DNAJC24: variants seen among roughly 807,000 people sequenced by gnomAD.
DNAJC24 encodes the protein dnaJ homolog subfamily C member 24.
A neutral mutation model predicts 18.0 loss-of-function variants in DNAJC24; 17 were observed. That is an observed-to-expected ratio of 0.94 (90% CI 0.65 to 1.42). DNAJC24 has a LOEUF of 1.42. Ranked by LOEUF, DNAJC24 falls within the 40% of genes most tolerant of loss-of-function variation. The probability of loss-of-function intolerance (pLI) is 0.00; values close to 1 mark genes in which losing one functional copy is unlikely to be tolerated. For missense variants in DNAJC24, 158 were observed against 175.6 expected, an observed-to-expected ratio of 0.90 and a Z score of 0.57; for synonymous variants, 55 against 57.7, an observed-to-expected ratio of 0.95 and a Z score of 0.21.
intron 2 of DNAJC24, among the ~76,000 whole-genome samples, chr11:31,399,739 C>G (rs4922862): frequency 1.0e-5 from 1 of 97,056 alleles, no homozygotes; most frequent in Admixed American, 1.2e-4. Flanking sequence ...ACTGTTTTTT[C>G]TTTTTTTTTT....
At chr11:31,384,657 G>A (rs1952410443) in intron 2 of DNAJC24, 2 of 152,244 alleles carry the variant, frequency 1.3e-5, no homozygotes, top group Non-Finnish European at 1.5e-5. Flanking sequence ...GAGCCACACA[G>A]CATGTGAAGT....
chr11:31,429,617 G>C (rs924118062), intron 4 of DNAJC24: 1 of 277,660 alleles, frequency 3.6e-6, no homozygotes, highest in Non-Finnish European at 7.9e-6. Flanking sequence ...GTATTGCACC[G>C]TATTGCCTCC....
At chr11:31,390,786 A>G (rs925598963) in intron 2 of DNAJC24, among the ~76,000 whole-genome samples, 1 of 152,130 alleles carries the variant, frequency 6.6e-6, no homozygotes, top group Non-Finnish European at 1.5e-5. Context: ...ATTCTACCAA[A>G]CATTTAAAGA....
chr11:31,432,578 C>T lies in DNAJC24; in HGVS notation c.*2177C>T. The T allele has an allele frequency of 6.3e-7, 1 of 1,597,068 alleles. No individual in the cohort carries two copies. ...CACTCAGAGGCCAAATCTGTAAAAT[C>T]AAAATGAGGTTGAAGACAATTAGTG... is the stretch of plus-strand genomic sequence containing the variant. On this transcript the variant is annotated 3_prime_UTR_variant, in exon 5 of 5. Transcript: ENST00000465995.
intron 2 of DNAJC24, among the ~76,000 whole-genome samples, chr11:31,397,939 A>G (rs1270024388): frequency 1.3e-5 from 2 of 151,386 alleles, no homozygotes; most frequent in African/African-American, 4.9e-5. Flanking sequence ...AGTAGTTGAG[A>G]TTACAGGAGC....
intron 2 of DNAJC24, among the ~76,000 whole-genome samples, chr11:31,390,096 G>T (rs1952474279): frequency 6.6e-6 from 1 of 152,062 alleles, no homozygotes; most frequent in African/African-American, 2.4e-5. Flanking sequence ...TAAGTAACGA[G>T]ATCGAAGATG....
At chr11:31,395,056 G>C (rs1282686597) in intron 2 of DNAJC24, among the ~76,000 whole-genome samples, 1 of 152,022 alleles carries the variant, frequency 6.6e-6, no homozygotes, top group Admixed American at 6.5e-5. Flanking sequence ...AGTAGGAACT[G>C]GTGTCTATTG....
At chr11:31,374,013 G>T in intron 2 of DNAJC24, 1 of 279,670 alleles carries the variant, frequency 3.6e-6, no homozygotes, top group Non-Finnish European at 7.7e-6. Context: ...AGAATTTTCT[G>T]CCAACACAAT....
chr11:31,389,547 C>T (rs1253639528), intron 2 of DNAJC24, among the ~76,000 whole-genome samples: 1 of 152,068 alleles, frequency 6.6e-6, no homozygotes, highest in Non-Finnish European at 1.5e-5. Context: ...AGGTAGAACC[C>T]AATACAGTAA....
At chr11:31,378,455 A>G (rs1952341037) in intron 2 of DNAJC24, among the ~76,000 whole-genome samples, 1 of 152,334 alleles carries the variant, frequency 6.6e-6, no homozygotes, top group Non-Finnish European at 1.5e-5. Flanking sequence ...ACTGCGTATC[A>G]GATACTCTTG....
intron 2 of DNAJC24, among the ~76,000 whole-genome samples, chr11:31,412,924 T>G (rs1952721747): frequency 6.6e-6 from 1 of 152,212 alleles, no homozygotes; most frequent in Non-Finnish European, 1.5e-5. Flanking sequence ...TTTAAAATAG[T>G]CTGTGATTTA....
At chr11:31,378,620 TA>T (rs1048720761) in intron 2 of DNAJC24, among the ~76,000 whole-genome samples, 1 of 151,292 alleles carries the variant, frequency 6.6e-6, no homozygotes, top group Non-Finnish European at 1.5e-5. Context: ...AAAACTGTAT[TA>T]AAAAAAAGCA....
chr11:31,375,047 T>C (rs558280), intron 2 of DNAJC24, among the ~76,000 whole-genome samples: 77,000 of 133,192 alleles, frequency 0.58, 30,984 homozygotes, highest in African/African-American at 0.89. Context: ...GTTGCTGTGG[T>C]TCACACTTGT....
chr11:31,393,694 A>G (rs1952519889), intron 2 of DNAJC24, among the ~76,000 whole-genome samples: 1 of 152,278 alleles, frequency 6.6e-6, no homozygotes, highest in Non-Finnish European at 1.5e-5. Flanking sequence ...TGGACTTCAC[A>G]GCCTCCAGAA....
intron 2 of DNAJC24, among the ~76,000 whole-genome samples, chr11:31,406,400 A>G (rs1952658966): frequency 1.3e-5 from 2 of 152,354 alleles, no homozygotes; most frequent in African/African-American, 4.8e-5. Context: ...TGGGGAAAAT[A>G]TTAAACACAC....
intron 2 of DNAJC24, among the ~76,000 whole-genome samples, chr11:31,382,422 C>A (rs1336661660): frequency 6.6e-6 from 1 of 152,106 alleles, no homozygotes; most frequent in Non-Finnish European, 1.5e-5. Context: ...CATAATTTAT[C>A]ATCATCAGTA....
At chr11:31,405,926 C>T (rs1457515459) in intron 2 of DNAJC24, among the ~76,000 whole-genome samples, 1 of 152,116 alleles carries the variant, frequency 6.6e-6, no homozygotes, top group Non-Finnish European at 1.5e-5. Flanking sequence ...CCAAAATTAG[C>T]CTTTTATAAG....
intron 2 of DNAJC24, among the ~76,000 whole-genome samples, chr11:31,398,559 C>G (rs1952566973): frequency 6.6e-6 from 1 of 152,126 alleles, no homozygotes; most frequent in African/African-American, 2.4e-5. Context: ...ACAGTTTTAG[C>G]ATTGATTCAA....
Position 31,406,549 on chromosome 11 carries a change from G to C in DNAJC24, c.112-8262G>C, listed in dbSNP as rs538983097. Among the ~76,000 whole-genome samples the C allele has an allele frequency of 4.6e-5, 7 of 152,304 alleles. No homozygotes were observed. The South Asian group carries it at 1.5e-3, about 32-fold the overall frequency. Reference sequence around the variant, plus strand: ...ACTTGTAATAGATAAAGCTTGAATGGTAGGTTGTGGTTCTTATATTGTAGG... The same window carrying C: ...ACTTGTAATAGATAAAGCTTGAATGCTAGGTTGTGGTTCTTATATTGTAGG... On this transcript the variant is annotated intron_variant, in intron 2 of 4. Coordinates refer to ENST00000465995, the MANE Select transcript of DNAJC24 (RefSeq NM_181706.5).
Sources: allele counts gnomAD v4.1 joint callset (sites outside exome capture counted in the v4.1 genomes callset), GRCh38; gene constraint gnomAD v4.1.1; transcripts MANE v1.5; gene names NCBI Gene and HGNC (gene_info 2026-07-23, HGNC 2026-07-21).